The following TFB2M variants were observed in gnomAD, a reference collection of about 807,000 sequenced individuals.
TFB2M encodes dimethyladenosine transferase 2, mitochondrial.
A neutral mutation model predicts 41.3 loss-of-function variants in TFB2M; 44 were observed. The ratio of observed to expected loss-of-function variants is 1.07; its 90% confidence interval spans 0.84 to 1.37. The LOEUF (loss-of-function observed/expected upper bound fraction) is 1.37, where lower values mean the gene tolerates loss of function less well. Ranked by LOEUF, TFB2M falls within the 40% of genes most tolerant of loss-of-function variation. The pLI is 0.00. For synonymous variants in TFB2M, 188 were observed against 176.8 expected, an observed-to-expected ratio of 1.06 and a Z score of -0.50; for missense variants, 496 against 490.2, an observed-to-expected ratio of 1.01 and a Z score of -0.11.
chr1:246,551,707 A>C (rs1216386167), intron 4 of TFB2M, among the ~76,000 whole-genome samples: 1 of 152,192 alleles, frequency 6.6e-6, no homozygotes, highest in African/African-American at 2.4e-5. Context: ...ACAACAACAC[A>C]CAAGTGTTAA....
intron 6 of TFB2M, among the ~76,000 whole-genome samples, chr1:246,545,812 G>GGA (rs1659003885): frequency 3.8e-5 from 2 of 52,708 alleles, no homozygotes; most frequent in Admixed American, 6.0e-4. Flanking sequence ...ACCCTGATTC[G>GGA]AAAAAAAAAA....
Position 246,551,208 on chromosome 1 carries a change from C to T in TFB2M, c.795+5G>A, listed in dbSNP as rs778733862. 4.3e-6 allele frequency: 7 copies of T among 1,610,504 alleles called. No homozygotes were observed. In the East Asian group the frequency reaches 1.6e-4, roughly 36 times the overall value. ...AACGTTTTTAAACAGAAGGATTTTA[C>T]TCACCATGTGCAGAACCTTAATCTC... On this transcript the variant is annotated splice_donor_5th_base_variant and intron_variant, in intron 5 of 7. Transcript: ENST00000366514.
intron 7 of TFB2M, among the ~76,000 whole-genome samples, chr1:246,543,587 C>T (rs937636768): frequency 2.7e-5 from 4 of 150,916 alleles, no homozygotes; most frequent in Non-Finnish European, 5.9e-5. Flanking sequence ...TGGTGGCTCC[C>T]GCCTGTAACC....
rs192835188 is a variant in TFB2M, at chr1:246,555,094, C to A, written c.705+1479G>T. Among the ~76,000 whole-genome samples, 209 of 152,130 alleles carry A rather than the reference C, an allele frequency of 1.4e-3. 1 individual carries two copies. The highest frequency in any genetic ancestry group is 4.8e-3 in the African/African-American group (200 of 41,512). ...GTCAGTACGTACATAAAAATATATTCAACATGACTAATTATTAGGAAAATG... is the reference window on the plus strand; with the variant it reads ...GTCAGTACGTACATAAAAATATATTAAACATGACTAATTATTAGGAAAATG... On this transcript the variant is annotated intron_variant, in intron 4 of 7. Coordinates refer to ENST00000366514, the MANE Select transcript of TFB2M (RefSeq NM_022366.3).
intron 4 of TFB2M, among the ~76,000 whole-genome samples, chr1:246,555,966 T>G (rs1179904862): frequency 6.6e-6 from 1 of 152,072 alleles, no homozygotes; most frequent in African/African-American, 2.4e-5. Context: ...AATTTTTGTA[T>G]TTTTAGTAGA....
At chr1:246,554,489 T>C (rs1249003134) in intron 4 of TFB2M, among the ~76,000 whole-genome samples, 2 of 137,366 alleles carry the variant, frequency 1.5e-5, no homozygotes, top group Non-Finnish European at 3.1e-5. Context: ...ACAATCCCTA[T>C]TGCGCATGCG....
intron 5 of TFB2M, among the ~76,000 whole-genome samples, chr1:246,548,937 TATTAG>T (rs1278557723): frequency 1.3e-5 from 2 of 152,248 alleles, no homozygotes; most frequent in African/African-American, 2.4e-5. Flanking sequence ...GTTTAAGGGA[TATTAG>T]ATTAATGCTG....
rs148464459 is a variant in TFB2M at position 246,541,243 on chromosome 1, C to T, written c.1020-41G>A. On this transcript the variant is annotated intron_variant, in intron 7 of 7. Coordinates refer to ENST00000366514, the MANE Select transcript of TFB2M (RefSeq NM_022366.3). ...AAAGTAAATGTACTTAATTCTTTCT[C>T]ATGCATCTATCAGTTCACGGTGACA... 2.0e-4 allele frequency: 316 copies of T among 1,583,544 alleles called. 2 individuals carry two copies. In the East Asian group the frequency reaches 6.5e-3, roughly 32 times the overall value.
At chr1:246,561,749 A>G (rs1475756021) in intron 2 of TFB2M, among the ~76,000 whole-genome samples, 1 of 152,250 alleles carries the variant, frequency 6.6e-6, no homozygotes, top group Non-Finnish European at 1.5e-5. Context: ...GATTACAGGC[A>G]TGGGCCTCGG....
chr1:246,545,769 G>A (rs896668260), intron 6 of TFB2M, among the ~76,000 whole-genome samples: 10 of 131,654 alleles, frequency 7.6e-5, no homozygotes, highest in Non-Finnish European at 1.1e-4. Flanking sequence ...CCGAGATTAC[G>A]CCATTGCACT....
At position 246,544,611 on chromosome 1, in the gene TFB2M, T is replaced by C. The variant is rs1168724108; in HGVS notation, c.929A>G (p.Lys310Arg). Reference protein sequence around the residue: ...QMIPRQNLFTKNLTPMNYNIF... With the variant: ...QMIPRQNLFTRNLTPMNYNIF... ...ATTATAGTTCATAGGTGTTAAGTTC[T>C]TGGTAAATAAATTTTGACGAGGAAT... The change falls in exon 7 of 8, where the codon AAG (lysine) becomes AGG (arginine). Residue 310 changes from lysine to arginine, a missense_variant. Coordinates refer to ENST00000366514, the MANE Select transcript of TFB2M (RefSeq NM_022366.3). 1 of 1,610,150 alleles carries C rather than the reference T, an allele frequency of 6.2e-7. No individual in the cohort carries two copies. Among genetic ancestry groups the C allele is most frequent in the Admixed American group, 1.7e-5 (1 of 58,894 alleles).
At chr1:246,558,448 C>A (rs902966143) in intron 2 of TFB2M, among the ~76,000 whole-genome samples, 2 of 152,054 alleles carry the variant, frequency 1.3e-5, no homozygotes, top group African/African-American at 4.8e-5. Context: ...CACCCGGCCC[C>A]ACTTACTTTC....
rs1658828568 is a variant in TFB2M at position 246,540,662 on chromosome 1, G to A, written c.*369C>T. The A allele has an allele frequency of 1.2e-5, 2 of 169,236 alleles. No individual in the cohort carries two copies. Among genetic ancestry groups the A allele is most frequent in the South Asian group, 3.6e-4 (2 of 5,630 alleles). The allele number at this position is 169,236 out of a possible 1,614,324, so 10.5% of individuals were successfully genotyped here. A position where few individuals can be genotyped will look rare whatever the true frequency, so the allele number is the denominator to read the frequency against. On this transcript the variant is annotated 3_prime_UTR_variant, in exon 8 of 8. Coordinates refer to ENST00000366514, the MANE Select transcript of TFB2M (RefSeq NM_022366.3). ...GACAATACATTTCAACAAACTGAAA[G>A]GCAAACCAGTAAATCAGTTTTGCTT... is the stretch of plus-strand genomic sequence containing the variant.
chr1:246,542,151 A>G (rs1658875014), intron 7 of TFB2M, among the ~76,000 whole-genome samples: 1 of 152,078 alleles, frequency 6.6e-6, no homozygotes, highest in African/African-American at 2.4e-5. Context: ...AAGATACAGC[A>G]TCTTTATAAT....
chr1:246,551,044 G>T (rs12133081), intron 5 of TFB2M, among the ~76,000 whole-genome samples, 169 bp downstream of exon 5: 3,031 of 152,202 alleles, frequency 0.02, 58 homozygotes, highest in South Asian at 0.033. Flanking sequence ...GCATGGTGGC[G>T]CCTGGCTGTA....
In TFB2M at chr1:246,540,884, A is replaced by G. The variant is rs1658833747; in HGVS notation, c.*147T>C. ...CACTGTTTCATCCAATAAGCCAATG[A>G]TATCAGCTTAGGAGAAATGATCTGC... is the stretch of plus-strand genomic sequence containing the variant. On this transcript the variant is annotated 3_prime_UTR_variant, in exon 8 of 8. Coordinates refer to ENST00000366514, the MANE Select transcript of TFB2M (RefSeq NM_022366.3). 1 of 611,616 alleles carries G rather than the reference A, an allele frequency of 1.6e-6. No homozygotes were observed. Among genetic ancestry groups the G allele is most frequent in the Admixed American group, 3.6e-5 (1 of 28,070 alleles). The allele number at this position is 611,616 out of a possible 1,614,324, so 37.9% of individuals were successfully genotyped here. A position where few individuals can be genotyped will look rare whatever the true frequency, so the allele number is the denominator to read the frequency against.
intron 6 of TFB2M, among the ~76,000 whole-genome samples, chr1:246,546,693 C>A (rs1001186148): frequency 1.3e-5 from 2 of 149,336 alleles, no homozygotes; most frequent in African/African-American, 4.9e-5. Flanking sequence ...TGAGTCCTTG[C>A]TATATTCAAG....
chr1:246,549,300 G>A (rs1028848859), intron 5 of TFB2M, among the ~76,000 whole-genome samples: 2 of 152,168 alleles, frequency 1.3e-5, no homozygotes, highest in South Asian at 2.1e-4. Context: ...GAGATGATCC[G>A]GTCAGGCACA....
At chr1:246,555,757 T>C (rs1190030680) in intron 4 of TFB2M, among the ~76,000 whole-genome samples, 1 of 151,890 alleles carries the variant, frequency 6.6e-6, no homozygotes, top group African/African-American at 2.4e-5. Flanking sequence ...CAAATGTCAT[T>C]GATACATCAA....
Sources: gnomAD v4.1 joint callset for allele counts (sites outside exome capture counted in the v4.1 genomes callset) on GRCh38, gnomAD v4.1.1 for gene constraint, MANE v1.5 for transcripts, NCBI Gene and HGNC (gene_info 2026-07-23, HGNC 2026-07-21) for gene names.